COL19A1: variants seen among roughly 807,000 people sequenced by gnomAD.
The protein encoded by COL19A1 is collagen alpha-1(XIX) chain.
COL19A1 carries 159 observed loss-of-function variants against 190.2 expected under a neutral mutation model. That is an observed-to-expected ratio of 0.84 (90% CI 0.73 to 0.95). The LOEUF is 0.95. Ranked by LOEUF, COL19A1 falls within the 40% of genes least tolerant of loss-of-function variation. COL19A1 has a pLI of 0.00. For synonymous variants in COL19A1, 509 were observed against 458.9 expected, an observed-to-expected ratio of 1.11 and a Z score of -1.39; for missense variants, 1,418 against 1,431.9, an observed-to-expected ratio of 0.99 and a Z score of 0.16.
rs148894182 is a variant in COL19A1 at position 70,146,869 on chromosome 6, A to T, written c.1873A>T (p.Ile625Leu). The T allele has an allele frequency of 1.9e-6, 3 of 1,587,070 alleles. No homozygotes were observed. Among genetic ancestry groups the T allele is most frequent in the Non-Finnish European group, 2.6e-6 (3 of 1,169,756 alleles). Residue 625 changes from isoleucine to leucine, a missense_variant, in exon 27 of 51, where the codon ATA becomes TTA. Ile to Leu is a conservative substitution (Grantham distance 5). Coordinates refer to ENST00000620364, the MANE Select transcript of COL19A1 (RefSeq NM_001858.6). The stretch of plus-strand genomic sequence containing the variant: ...CCCAGGGGACATAGGCCCACAAGGG[A>T]TAGGAATTCCTGGCAGAACAGTAAG... ...GSPGDIGPQG[I>L]GIPGRTGAQG... is the part of the protein sequence containing the mutation.
At chr6:70,079,991 G>A (rs1782142519) in intron 15 of COL19A1, among the ~76,000 whole-genome samples, 2 of 152,122 alleles carry the variant, frequency 1.3e-5, no homozygotes, top group Non-Finnish European at 1.5e-5. Flanking sequence ...CATACCGGAA[G>A]AGGCCAAAAG....
intron 44 of COL19A1, 92 bp downstream of exon 44, chr6:70,180,615 A>G (rs751675003): frequency 1.8e-5 from 25 of 1,363,890 alleles, no homozygotes; most frequent in Non-Finnish European, 2.5e-5. Flanking sequence ...TGAGATTTGA[A>G]TAAGCAGTTT....
At chr6:69,975,064 C>A (rs1012215723) in intron 11 of COL19A1, among the ~76,000 whole-genome samples, 1 of 152,062 alleles carries the variant, frequency 6.6e-6, no homozygotes, top group Admixed American at 6.5e-5. Flanking sequence ...CCACCTGTCT[C>A]GGCCTCCCAA....
chr6:70,035,255 G>T (rs1779289293), intron 13 of COL19A1, among the ~76,000 whole-genome samples: 1 of 152,152 alleles, frequency 6.6e-6, no homozygotes, highest in South Asian at 2.1e-4. Flanking sequence ...ACATGAAGGT[G>T]ACATAGAAAT....
intron 14 of COL19A1, among the ~76,000 whole-genome samples, chr6:70,053,020 C>T (rs1331330996): frequency 1.3e-5 from 2 of 152,174 alleles, no homozygotes; most frequent in Non-Finnish European, 2.9e-5. Flanking sequence ...TATCAATTCT[C>T]TATCCCCTTC....
At chr6:69,973,065 A>G (rs1002376339) in intron 11 of COL19A1, among the ~76,000 whole-genome samples, 1 of 152,250 alleles carries the variant, frequency 6.6e-6, no homozygotes, top group Non-Finnish European at 1.5e-5. Context: ...AATAAATAGA[A>G]AAACCATGAT....
intron 2 of COL19A1, among the ~76,000 whole-genome samples, chr6:69,886,400 C>T (rs1344530308): frequency 6.6e-6 from 1 of 152,064 alleles, no homozygotes; most frequent in Non-Finnish European, 1.5e-5. Flanking sequence ...ATTGGTATAG[C>T]CATTATGGAA....
At chr6:70,024,463 G>A (rs925985455) in intron 12 of COL19A1, among the ~76,000 whole-genome samples, 1 of 152,130 alleles carries the variant, frequency 6.6e-6, no homozygotes, top group Non-Finnish European at 1.5e-5. Context: ...AGGAAAAACT[G>A]TGAGACTATA....
chr6:69,928,199 C>T (rs1772520780), intron 5 of COL19A1, among the ~76,000 whole-genome samples, 167 bp downstream of exon 5: 1 of 151,676 alleles, frequency 6.6e-6, no homozygotes, highest in African/African-American at 2.4e-5. Flanking sequence ...TTAGGATGGC[C>T]TTGCTGAGAT....
intron 11 of COL19A1, among the ~76,000 whole-genome samples, chr6:70,019,766 C>T (rs1778315707): frequency 6.6e-6 from 1 of 152,062 alleles, no homozygotes; most frequent in Non-Finnish European, 1.5e-5. Context: ...TATTCAAACA[C>T]AAGAAACAAT....
chr6:70,097,509 T>A (rs926636243), intron 15 of COL19A1, among the ~76,000 whole-genome samples: 12 of 144,784 alleles, frequency 8.3e-5, no homozygotes, highest in African/African-American at 9.9e-5. Flanking sequence ...CCAGCATGGA[T>A]CCTGTCTCAA....
intron 18 of COL19A1, among the ~76,000 whole-genome samples, chr6:70,132,637 T>C (rs1041938201): frequency 4.6e-5 from 7 of 152,282 alleles, no homozygotes; most frequent in African/African-American, 1.7e-4. Context: ...TGGCTGCACA[T>C]TGGAATCACG....
chr6:70,196,802 C>G (rs1767226312), intron 48 of COL19A1, among the ~76,000 whole-genome samples: 1 of 152,100 alleles, frequency 6.6e-6, no homozygotes, highest in Admixed American at 6.5e-5. Flanking sequence ...GACTGAAGAT[C>G]CCTGAAAACA....
chr6:70,024,280 C>T (rs1350812771), intron 12 of COL19A1, among the ~76,000 whole-genome samples: 1 of 152,126 alleles, frequency 6.6e-6, no homozygotes, highest in Non-Finnish European at 1.5e-5. Flanking sequence ...GTGGGTTTCA[C>T]TCTGAAATGT....
At chr6:69,986,798 T>G (rs1315398176) in intron 11 of COL19A1, among the ~76,000 whole-genome samples, 1 of 152,218 alleles carries the variant, frequency 6.6e-6, no homozygotes, top group Non-Finnish European at 1.5e-5. Flanking sequence ...GACTGAGACA[T>G]GGAGCTCTAA....
intron 8 of COL19A1, among the ~76,000 whole-genome samples, chr6:69,937,174 A>C (rs750440932): frequency 6.6e-6 from 1 of 152,172 alleles, no homozygotes; most frequent in Non-Finnish European, 1.5e-5. Flanking sequence ...CTACCTGTAC[A>C]ACAGGCAAGT....
rs575900594 is a variant in COL19A1 at position 69,913,971 on chromosome 6, C to A, written c.266+13633C>A. ...TAATCCAGGGTTAAAAAAAAAAAAA[C>A]CCTTTCCTGGCTGAGGGACACCAGA... On this transcript the variant is annotated intron_variant, in intron 4 of 50. Coordinates refer to ENST00000620364, the MANE Select transcript of COL19A1 (RefSeq NM_001858.6). 3.4e-4 allele frequency among the ~76,000 whole-genome samples: 51 copies of A among 151,584 alleles called. 1 individual carries two copies. In the South Asian group the frequency reaches 7.9e-3, roughly 24 times the overall value.
chr6:69,936,031 C>A (rs1034181936), intron 7 of COL19A1, among the ~76,000 whole-genome samples: 3 of 152,056 alleles, frequency 2.0e-5, no homozygotes, highest in African/African-American at 7.2e-5. Context: ...GCTTTCTCTT[C>A]GTGAAATTGC....
At chr6:70,169,912 T>G (rs950480300) in intron 40 of COL19A1, among the ~76,000 whole-genome samples, 2 of 152,140 alleles carry the variant, frequency 1.3e-5, no homozygotes, top group South Asian at 2.1e-4. Flanking sequence ...CATTAATAAC[T>G]GCAGATTAAG....
Sources: allele counts gnomAD v4.1 joint callset (sites outside exome capture counted in the v4.1 genomes callset), GRCh38; gene constraint gnomAD v4.1.1; transcripts MANE v1.5; gene names NCBI Gene and HGNC (gene_info 2026-07-23, HGNC 2026-07-21).